Variants in ADAMTS18 observed in about 807,000 individuals in gnomAD.
The protein encoded by ADAMTS18 is A disintegrin and metalloproteinase with thrombospondin motifs 18.
In ADAMTS18, 157 loss-of-function variants were observed where a neutral mutation model predicts 165.9. The ratio of observed to expected loss-of-function variants is 0.95; its 90% CI spans 0.83 to 1.08. The LOEUF (loss-of-function observed/expected upper bound fraction) is 1.08. Among genes scored for constraint, ADAMTS18 ranks in the 50% least tolerant of loss-of-function variants. The pLI is 0.00. For missense variants in ADAMTS18, 2,040 were observed against 1,534.0 expected (o/e 1.33, Z -5.51); for synonymous variants, 782 against 578.2 (o/e 1.35, Z -5.06).
chr16:77,353,361 G>A (rs1027435255), intron 10 of ADAMTS18, among the ~76,000 whole-genome samples: 1 of 152,176 alleles, frequency 6.6e-6, no homozygotes, highest in African/African-American at 2.4e-5. Context: ...GGCATATAAT[G>A]TATTTGGGTA....
intron 3 of ADAMTS18, among the ~76,000 whole-genome samples, chr16:77,428,138 A>G (rs1258304408): frequency 6.6e-6 from 1 of 152,182 alleles, no homozygotes; most frequent in African/African-American, 2.4e-5. Context: ...ACTCAGAGAA[A>G]CACTGATATA....
At chr16:77,327,436 G>A (rs1429139266) in intron 12 of ADAMTS18, among the ~76,000 whole-genome samples, 1 of 152,080 alleles carries the variant, frequency 6.6e-6, no homozygotes, top group Non-Finnish European at 1.5e-5. Context: ...ACAATGTTTG[G>A]TTTTCCATTC....
At chr16:77,432,377 G>C (rs1226828766) in intron 2 of ADAMTS18, 1 of 152,240 alleles carries the variant, frequency 6.6e-6, no homozygotes, top group Non-Finnish European at 1.5e-5. Context: ...GGGAGTGTCA[G>C]ATCAGGGGAC....
At chr16:77,413,732 G>C (rs1422931000) in intron 3 of ADAMTS18, among the ~76,000 whole-genome samples, 1 of 147,864 alleles carries the variant, frequency 6.8e-6, no homozygotes, top group East Asian at 2.0e-4. Flanking sequence ...ATTTAGTATA[G>C]CTATTTAGTA....
At chr16:77,284,932 T>TGAAAAAGCC (rs548995086) in intron 22 of ADAMTS18, among the ~76,000 whole-genome samples, 233 of 151,436 alleles carry the variant, frequency 1.5e-3, no homozygotes, top group African/African-American at 5.6e-3. Context: ...TGAGATTAAC[T>TGAAAAAGCC]GAAAAAGCCG....
chr16:77,396,931 T>C (rs947536637), intron 3 of ADAMTS18, among the ~76,000 whole-genome samples: 15 of 151,954 alleles, frequency 9.9e-5, no homozygotes, highest in African/African-American at 3.4e-4. Context: ...CTCAGCCTCC[T>C]GAGTAGCTGG....
chr16:77,380,515 A>G (rs1413778941), intron 3 of ADAMTS18, among the ~76,000 whole-genome samples: 1 of 152,264 alleles, frequency 6.6e-6, no homozygotes, highest in Non-Finnish European at 1.5e-5. Flanking sequence ...TCAAAAGAGT[A>G]TGTACCTCTA....
chr16:77,335,949 G>A (rs1315213683), intron 11 of ADAMTS18, 45 bp from the exon 12 acceptor site: 2 of 1,613,262 alleles, frequency 1.2e-6, no homozygotes, highest in Middle Eastern at 3.3e-4. Flanking sequence ...AGACCACCTG[G>A]GAAAGCGCAG....
chr16:77,290,983 G>GACTCGAGTGGTAGTTTCCGTAGCAACAGC, intron 21 of ADAMTS18: 1 of 389,098 alleles, frequency 2.6e-6, no homozygotes, highest in Non-Finnish European at 4.7e-6. Context: ...ACCAACATTA[G>GACTCGAGTGGTAGTTTCCGTAGCAACAGC]CAGTGTATAA....
At chr16:77,404,028 C>T (rs980714622) in intron 3 of ADAMTS18, among the ~76,000 whole-genome samples, 6 of 134,612 alleles carry the variant, frequency 4.5e-5, no homozygotes, top group South Asian at 2.6e-4. Flanking sequence ...TCCCTCCCTA[C>T]CGTCCTCCCT....
At chr16:77,427,173 T>C (rs547347821) in intron 3 of ADAMTS18, among the ~76,000 whole-genome samples, 1 of 152,198 alleles carries the variant, frequency 6.6e-6, no homozygotes, top group Non-Finnish European at 1.5e-5. Flanking sequence ...TGAGCTTCTG[T>C]TGTAGACAAA....
At chr16:77,300,200 T>A (rs2055553774) in intron 17 of ADAMTS18, 63 bp downstream of exon 17, 2 of 1,596,842 alleles carry the variant, frequency 1.3e-6, no homozygotes, top group East Asian at 4.5e-5. Flanking sequence ...TAAAGACGCC[T>A]GGAGTGAAAG....
At chr16:77,329,137 G>A (rs1422931485) in intron 12 of ADAMTS18, among the ~76,000 whole-genome samples, 1 of 151,320 alleles carries the variant, frequency 6.6e-6, no homozygotes, top group Non-Finnish European at 1.5e-5. Context: ...ACAGAGTCTT[G>A]CTCTATCACC....
chr16:77,326,159 A>ACTGTG, intron 12 of ADAMTS18, 121 bp from the exon 13 acceptor site: 3 of 938,622 alleles, frequency 3.2e-6, no homozygotes, highest in Non-Finnish European at 5.0e-6. Context: ...AAAGGCATAC[A>ACTGTG]GTCTATTACA....
intron 16 of ADAMTS18, among the ~76,000 whole-genome samples, chr16:77,317,682 A>T (rs1401843539): frequency 6.6e-6 from 1 of 152,098 alleles, no homozygotes; most frequent in Non-Finnish European, 1.5e-5. Context: ...ATGTCATCTA[A>T]TTTCACCCAC....
chr16:77,320,149 G>A, intron 15 of ADAMTS18, 56 bp from the exon 16 acceptor site: 1 of 1,607,188 alleles, frequency 6.2e-7, no homozygotes, highest in Non-Finnish European at 8.5e-7. Context: ...GGAGAAAAGG[G>A]ACTAGAAATG....
chr16:77,327,898 G>A (rs2056122957), intron 12 of ADAMTS18, among the ~76,000 whole-genome samples: 1 of 152,130 alleles, frequency 6.6e-6, no homozygotes. Flanking sequence ...AGCACCATTT[G>A]CTGCTCTCCC....
chr16:77,314,625 A>ATGTGTGTG (rs199832008), intron 16 of ADAMTS18, among the ~76,000 whole-genome samples: 13 of 132,524 alleles, frequency 9.8e-5, no homozygotes, highest in South Asian at 2.4e-4. Context: ...AAAAAAAAAA[A>ATGTGTGTG]TGTGTGTGTA....
chr16:77,359,532 T>C, intron 7 of ADAMTS18, 109 bp from the exon 8 acceptor site: 1 of 817,300 alleles, frequency 1.2e-6, no homozygotes, highest in Non-Finnish European at 2.0e-6. Flanking sequence ...AATAGATCAA[T>C]GCATTCAGTG....
Sources: gnomAD v4.1 joint callset for allele counts (sites outside exome capture counted in the v4.1 genomes callset) on GRCh38, gnomAD v4.1.1 for gene constraint, MANE v1.5 for transcripts, NCBI Gene and HGNC (gene_info 2026-07-23, HGNC 2026-07-21) for gene names.